Variants in NDUFS4 observed in about 807,000 individuals in gnomAD.
NDUFS4 encodes NADH dehydrogenase [ubiquinone] iron-sulfur protein 4, mitochondrial.
A neutral mutation model predicts 24.3 loss-of-function variants in NDUFS4; 28 were observed. That is an observed-to-expected ratio of 1.15 (90% CI 0.85 to 1.58). NDUFS4 has a LOEUF of 1.58. NDUFS4 is among the 40% of genes most tolerant of loss of function. The pLI is 0.00. For synonymous variants in NDUFS4, 93 were observed against 69.7 expected, an observed-to-expected ratio of 1.34 and a Z score of -1.67; for missense variants, 223 against 207.9, an observed-to-expected ratio of 1.07 and a Z score of -0.45.
chr5:53,665,988 C>T (rs1019765573), intron 4 of NDUFS4, among the ~76,000 whole-genome samples: 1 of 152,154 alleles, frequency 6.6e-6, no homozygotes, highest in Non-Finnish European at 1.5e-5. Flanking sequence ...CTTAATAGAC[C>T]TTTAAAAACT....
chr5:53,655,463 T>C (rs1165182160), intron 3 of NDUFS4, among the ~76,000 whole-genome samples: 1 of 151,674 alleles, frequency 6.6e-6, no homozygotes, highest in East Asian at 1.9e-4. Flanking sequence ...ATCCATTCCA[T>C]GCTATTTATT....
At chr5:53,587,385 A>G (rs1749795637) in intron 1 of NDUFS4, among the ~76,000 whole-genome samples, 1 of 152,124 alleles carries the variant, frequency 6.6e-6, no homozygotes, top group South Asian at 2.1e-4. Context: ...CTGTGAATCT[A>G]TAAACCTACC....
At chr5:53,657,924 CAAA>C (rs55653691) in intron 3 of NDUFS4, among the ~76,000 whole-genome samples, 42 of 123,172 alleles carry the variant, frequency 3.4e-4, no homozygotes, top group East Asian at 1.4e-3. Flanking sequence ...GAGTCCATCT[CAAA>C]AAAAAAAAAA....
intron 4 of NDUFS4, among the ~76,000 whole-genome samples, chr5:53,661,542 T>C (rs531802176): frequency 2.6e-5 from 4 of 152,190 alleles, no homozygotes; most frequent in Admixed American, 6.5e-5. Context: ...TTGAAGAAAG[T>C]CATTGGTAGC....
At chr5:53,633,968 C>A (rs1283986730) in intron 2 of NDUFS4, among the ~76,000 whole-genome samples, 1 of 152,118 alleles carries the variant, frequency 6.6e-6, no homozygotes, top group Non-Finnish European at 1.5e-5. Context: ...GATAAATGGA[C>A]CTATACTCAA....
chr5:53,610,494 C>T (rs984728864), intron 2 of NDUFS4, among the ~76,000 whole-genome samples: 1 of 151,754 alleles, frequency 6.6e-6, no homozygotes, highest in African/African-American at 2.4e-5. Context: ...ACCAGTAGAC[C>T]TCAACAGAGG....
chr5:53,666,893 C>T (rs543944206), intron 4 of NDUFS4, among the ~76,000 whole-genome samples: 2 of 152,118 alleles, frequency 1.3e-5, no homozygotes, highest in South Asian at 4.2e-4. Flanking sequence ...GAGATCATAC[C>T]ACTACACTCC....
intron 4 of NDUFS4, among the ~76,000 whole-genome samples, chr5:53,667,283 T>C (rs1490835187): frequency 1.3e-5 from 2 of 152,012 alleles, no homozygotes; most frequent in Non-Finnish European, 2.9e-5. Context: ...CTGACCAACA[T>C]GGAGAACCCT....
chr5:53,641,830 T>C (rs770616985), intron 2 of NDUFS4, among the ~76,000 whole-genome samples: 1 of 152,186 alleles, frequency 6.6e-6, no homozygotes, highest in Non-Finnish European at 1.5e-5. Context: ...AGACTTGCTT[T>C]TCTTTGAACA....
intron 2 of NDUFS4, among the ~76,000 whole-genome samples, chr5:53,615,059 A>G (rs1750802479): frequency 6.6e-6 from 1 of 151,914 alleles, no homozygotes; most frequent in Non-Finnish European, 1.5e-5. Context: ...CATCAAATTT[A>G]TGGTAGGGTA....
At chr5:53,618,191 T>C (rs1299016786) in intron 2 of NDUFS4, among the ~76,000 whole-genome samples, 1 of 152,082 alleles carries the variant, frequency 6.6e-6, no homozygotes, top group African/African-American at 2.4e-5. Flanking sequence ...AGCTGAACTA[T>C]TAATACTCAG....
chr5:53,644,913 A>T (rs1256537815), intron 2 of NDUFS4, among the ~76,000 whole-genome samples: 2 of 152,122 alleles, frequency 1.3e-5, no homozygotes, highest in African/African-American at 4.8e-5. Flanking sequence ...GTGGATAGAG[A>T]TAATAGTCAA....
intron 4 of NDUFS4, among the ~76,000 whole-genome samples, chr5:53,665,855 C>G (rs545587124): frequency 6.6e-6 from 1 of 152,334 alleles, no homozygotes; most frequent in South Asian, 2.1e-4. Context: ...TCTGATGCTC[C>G]CCAGTGAGAT....
chr5:53,572,342 AGAAGG>A (rs1383654856), intron 1 of NDUFS4, among the ~76,000 whole-genome samples: 6 of 152,162 alleles, frequency 3.9e-5, no homozygotes, highest in African/African-American at 1.4e-4. Context: ...ACTTCAGAGA[AGAAGG>A]GATGGGGGAA....
At chr5:53,621,635 T>A (rs1055971390) in intron 2 of NDUFS4, among the ~76,000 whole-genome samples, 2 of 151,928 alleles carry the variant, frequency 1.3e-5, no homozygotes, top group African/African-American at 4.8e-5. Flanking sequence ...TCCAGTCCTT[T>A]GTGTTAATGT....
chr5:53,597,145 G>A (rs1429025159), intron 1 of NDUFS4, among the ~76,000 whole-genome samples: 1 of 152,144 alleles, frequency 6.6e-6, no homozygotes, highest in Admixed American at 6.5e-5. Flanking sequence ...CACATGGCTG[G>A]CAAAGTGCTA....
At chr5:53,575,427 G>A (rs1215643681) in intron 1 of NDUFS4, among the ~76,000 whole-genome samples, 3 of 151,102 alleles carry the variant, frequency 2.0e-5, no homozygotes, top group African/African-American at 7.3e-5. Flanking sequence ...TCCTAGGATG[G>A]ATTATTTTTA....
At chr5:53,638,825 A>G (rs1751627981) in intron 2 of NDUFS4, among the ~76,000 whole-genome samples, 1 of 152,122 alleles carries the variant, frequency 6.6e-6, no homozygotes, top group South Asian at 2.1e-4. Flanking sequence ...TGTCATTTTA[A>G]CAGAGAAGAC....
At chr5:53,681,813 A>G (rs1403763030) in intron 4 of NDUFS4, among the ~76,000 whole-genome samples, 1 of 152,126 alleles carries the variant, frequency 6.6e-6, no homozygotes, top group African/African-American at 2.4e-5. Context: ...AAATTAAAAT[A>G]CGCTGTTAAA....
Sources: gnomAD v4.1 joint callset for allele counts (sites outside exome capture counted in the v4.1 genomes callset) on GRCh38, gnomAD v4.1.1 for gene constraint, MANE v1.5 for transcripts, NCBI Gene and HGNC (gene_info 2026-07-23, HGNC 2026-07-21) for gene names.